SNURF: variants seen among roughly 807,000 people sequenced by gnomAD.
SNURF encodes SNRPN upstream open reading frame, also known as SNURF protein.
A neutral mutation model predicts 11.6 loss-of-function variants in SNURF; 6 were observed. The ratio of observed to expected loss-of-function variants is 0.52; its 90% CI spans 0.28 to 1.02. The LOEUF (loss-of-function observed/expected upper bound fraction) is 1.02, where lower values mean the gene tolerates loss of function less well. Among genes scored for constraint, SNURF ranks in the 50% least tolerant of loss-of-function variants. The pLI is 0.09. For synonymous variants in SNURF, 29 were observed against 31.6 expected (o/e 0.92, Z 0.27); for missense variants, 84 against 88.4 (o/e 0.95, Z 0.20).
intron 1 of SNURF, among the ~76,000 whole-genome samples, chr15:24,960,911 C>CT (rs1366544831): frequency 6.6e-6 from 1 of 152,122 alleles, no homozygotes; most frequent in African/African-American, 2.4e-5. Context: ...ATAAATGTGT[C>CT]TGTCACCTGA....
At chr15:24,974,581 T>C in intron 3 of SNURF, 1 of 907,610 alleles carries the variant, frequency 1.1e-6, no homozygotes, top group South Asian at 1.3e-5. Flanking sequence ...TGGATATGGA[T>C]TCTCATTGCA....
At chr15:24,955,055 C>G in exon 1 of SNURF, 2 of 1,613,410 alleles carry the variant, frequency 1.2e-6, no homozygotes, top group Non-Finnish European at 1.7e-6. Flanking sequence ...CGCGATGGAG[C>G]GGGCAAGGTC....
rs191510100 is a variant in SNURF at position 24,967,672 on chromosome 15, G to C, written c.111-260G>C. On this transcript the variant is annotated intron_variant, in intron 2 of 2. Transcript: ENST00000577949. ...AAAAAAAAAAAATTAGCTGGGTGTG[G>C]TGGTAGGTGCCTGTAATCCCAGCTA... is the stretch of plus-strand genomic sequence containing the variant. Among the ~76,000 whole-genome samples, 668 of 151,174 alleles carry C rather than the reference G, an allele frequency of 4.4e-3. 9 individuals carry two copies. Among genetic ancestry groups the C allele is most frequent in the Non-Finnish European group, 3.8e-3 (259 of 67,824 alleles).
downstream of SNURF, among the ~76,000 whole-genome samples, chr15:24,972,541 C>CTTT (rs755600861): frequency 4.5e-5 from 5 of 112,214 alleles, no homozygotes; most frequent in Admixed American, 9.0e-5. Flanking sequence ...TTAGAGTATT[C>CTTT]TTTTTTTTTT....
chr15:24,967,236 AC>A (rs2075770220), intron 2 of SNURF: 1 of 152,216 alleles, frequency 6.6e-6, no homozygotes, highest in Non-Finnish European at 1.5e-5. Context: ...ATATTTCTAG[AC>A]TTGGTAAGTA....
At chr15:24,973,670 G>C (rs546564806), downstream of SNURF, among the ~76,000 whole-genome samples, 3 of 152,302 alleles carry the variant, frequency 2.0e-5, no homozygotes, top group African/African-American at 4.8e-5. Context: ...CTGGTGCTGG[G>C]ATTACAGGCG....
At chr15:24,958,435 G>T (rs1455770763) in intron 1 of SNURF, among the ~76,000 whole-genome samples, 3 of 103,770 alleles carry the variant, frequency 2.9e-5, no homozygotes, top group Admixed American at 1.1e-4. Flanking sequence ...AGTGAGAATT[G>T]TTACTACTTA....
chr15:24,962,175 A>C, exon 2 of SNURF: 1 of 1,614,186 alleles, frequency 6.2e-7, no homozygotes, highest in Non-Finnish European at 8.5e-7. Flanking sequence ...AGTCCAAGTC[A>C]AACGCAGAAG....
downstream of SNURF, among the ~76,000 whole-genome samples, chr15:24,972,112 C>T (rs577093816): frequency 7.2e-5 from 11 of 151,952 alleles, no homozygotes; most frequent in Admixed American, 2.0e-4. Flanking sequence ...AAAAATTAGC[C>T]GGGTGTGGTG....
At chr15:24,968,624 T>G (rs575324290), downstream of SNURF, among the ~76,000 whole-genome samples, 1 of 152,310 alleles carries the variant, frequency 6.6e-6, no homozygotes, top group South Asian at 2.1e-4. Context: ...CACAGCATTA[T>G]TTTAATTCAA....
At chr15:24,971,932 G>A (rs1224601298), downstream of SNURF, among the ~76,000 whole-genome samples, 1 of 152,160 alleles carries the variant, frequency 6.6e-6, no homozygotes, top group Non-Finnish European at 1.5e-5. Flanking sequence ...TTGGATGGCT[G>A]AAGGTCCCAA....
In SNURF at chr15:24,977,084, G is replaced by A. The variant is rs925625973; in HGVS notation, c.*462+55G>A. On this transcript the variant is annotated intron_variant and NMD_transcript_variant, in intron 6 of 6. Coordinates refer to the SNURF transcript ENST00000580062. ...TTGGGAGAATATGACTAAGCCGGAG[G>A]CCGAGGAGATTTAAAAACCTAAGTG... The A allele has an allele frequency of 7.0e-6, 10 of 1,431,046 alleles. No homozygotes were observed. The African/African-American group carries it at 8.7e-5, about 12-fold the overall frequency. 88.6% of individuals were successfully genotyped at this position (1,431,046 alleles called of 1,614,324 possible).
At chr15:24,958,520 T>TTTTTTC (rs1440476628) in intron 1 of SNURF, among the ~76,000 whole-genome samples, 1 of 120,716 alleles carries the variant, frequency 8.3e-6, no homozygotes, top group Non-Finnish European at 1.6e-5. Context: ...TTTTTTTTTT[T>TTTTTTC]AAATAGACCA....
intron 5 of SNURF, among the ~76,000 whole-genome samples, chr15:24,976,691 A>G (rs1041365116): frequency 6.6e-6 from 1 of 152,240 alleles, no homozygotes; most frequent in Non-Finnish European, 1.5e-5. Flanking sequence ...TCACAATTTG[A>G]CAAATAATGT....
intron 6 of SNURF, among the ~76,000 whole-genome samples, chr15:24,977,473 C>T (rs2077196870): frequency 1.3e-5 from 2 of 152,212 alleles, no homozygotes; most frequent in South Asian, 4.1e-4. Flanking sequence ...AACCCTATCT[C>T]TACTAAAAAT....
downstream of SNURF, among the ~76,000 whole-genome samples, chr15:24,971,557 AATAAT>A (rs1426489999): frequency 6.6e-6 from 1 of 151,676 alleles, no homozygotes; most frequent in Non-Finnish European, 1.5e-5. Context: ...ATAAATATAA[AATAAT>A]AATCTGTCCC....
chr15:24,963,480 T>G (rs1321347697), intron 2 of SNURF, among the ~76,000 whole-genome samples: 1 of 151,910 alleles, frequency 6.6e-6, no homozygotes, highest in East Asian at 1.9e-4. Flanking sequence ...CCGAGTGTGG[T>G]GGCACGTGCC....
chr15:24,971,014 A>G (rs560076771), downstream of SNURF, among the ~76,000 whole-genome samples: 3 of 152,108 alleles, frequency 2.0e-5, no homozygotes, highest in East Asian at 1.9e-4. Flanking sequence ...GGTGTGTCTC[A>G]TTTGCTATGT....
chr15:24,971,744 C>T (rs568192421), downstream of SNURF, among the ~76,000 whole-genome samples: 7 of 152,188 alleles, frequency 4.6e-5, no homozygotes, highest in South Asian at 2.1e-4. Context: ...GGGTTAAAAA[C>T]GGCTTTAGTG....
Sources: gnomAD v4.1 joint callset for allele counts (sites outside exome capture counted in the v4.1 genomes callset) on GRCh38, gnomAD v4.1.1 for gene constraint, MANE v1.5 for transcripts, NCBI Gene and HGNC (gene_info 2026-07-23, HGNC 2026-07-21) for gene names.